SNTB1: variants seen among roughly 807,000 people sequenced by gnomAD.
SNTB1 encodes the protein beta-1-syntrophin.
A neutral mutation model predicts 48.9 loss-of-function variants in SNTB1; 36 were observed. The observed-to-expected ratio is 0.74, with a 90% CI of 0.56 to 0.97. The LOEUF (loss-of-function observed/expected upper bound fraction) is 0.97, where lower values mean the gene tolerates loss of function less well. Among genes scored for constraint, SNTB1 ranks in the 50% least tolerant of loss-of-function variants. The probability of loss-of-function intolerance (pLI) is 0.00; values close to 1 mark genes in which losing one functional copy is unlikely to be tolerated. For synonymous variants in SNTB1, 299 were observed against 294.6 expected (o/e 1.01, Z -0.15); for missense variants, 786 against 703.4 (o/e 1.12, Z -1.33).
intron 1 of SNTB1, among the ~76,000 whole-genome samples, chr8:120,739,932 G>C (rs1374780155): frequency 6.6e-5 from 10 of 152,176 alleles, no homozygotes; most frequent in African/African-American, 2.4e-4. Context: ...TAATGGAAGA[G>C]TCAGAGCTGG....
At chr8:120,692,269 C>A (rs1818141218) in intron 2 of SNTB1, among the ~76,000 whole-genome samples, 1 of 152,170 alleles carries the variant, frequency 6.6e-6, no homozygotes, top group Non-Finnish European at 1.5e-5. Context: ...GCCAAGGAAG[C>A]AACTTTCTCC....
In SNTB1 at chr8:120,811,131, T is replaced by C. The variant is rs1490989479; in HGVS notation, c.571+142A>G. The C allele has an allele frequency of 1.7e-5, 17 of 1,014,270 alleles. No individual in the cohort carries two copies. In the South Asian group the frequency reaches 2.0e-4, roughly 12 times the overall value. The allele number at this position is 1,014,270 out of a possible 1,614,324, so 62.8% of individuals were successfully genotyped here. The stretch of plus-strand genomic sequence containing the variant: ...ATGCTGCCACCCCCTGCGCCACCCT[T>C]CCCCCCCCCCCAACACACACACACC... On this transcript the variant is annotated intron_variant, in intron 1 of 6. Coordinates refer to ENST00000517992, the MANE Select transcript of SNTB1 (RefSeq NM_021021.4).
intron 3 of SNTB1, among the ~76,000 whole-genome samples, chr8:120,626,581 T>C (rs1045509014): frequency 3.3e-5 from 5 of 152,214 alleles, no homozygotes; most frequent in African/African-American, 1.2e-4. Context: ...AATAGACCTT[T>C]TTGTCTTCTC....
chr8:120,583,266 G>T (rs1017988356), intron 3 of SNTB1, among the ~76,000 whole-genome samples: 4 of 152,116 alleles, frequency 2.6e-5, no homozygotes, highest in African/African-American at 9.7e-5. Context: ...TTTGTGGGGA[G>T]GCCAAGGTCG....
chr8:120,648,540 T>G (rs878926986), intron 2 of SNTB1, among the ~76,000 whole-genome samples: 2 of 152,162 alleles, frequency 1.3e-5, no homozygotes, highest in Non-Finnish European at 2.9e-5. Context: ...ACATCTGCTG[T>G]TAGTCTGATG....
chr8:120,706,391 A>G (rs949536120), intron 1 of SNTB1, among the ~76,000 whole-genome samples: 2 of 152,190 alleles, frequency 1.3e-5, no homozygotes, highest in African/African-American at 4.8e-5. Flanking sequence ...TGCCAGGCAG[A>G]AAAGGCATAG....
At chr8:120,590,759 C>T (rs940860820) in intron 3 of SNTB1, among the ~76,000 whole-genome samples, 6 of 149,844 alleles carry the variant, frequency 4.0e-5, no homozygotes, top group Admixed American at 2.0e-4. Context: ...CGGCTCACTG[C>T]AACCTCCACC....
Position 120,807,578 on chromosome 8 carries a change from G to T in SNTB1, c.571+3695C>A, listed in dbSNP as rs374309207. 3.6e-3 allele frequency among the ~76,000 whole-genome samples: 553 copies of T among 152,350 alleles called. 35 individuals are homozygous for T. In the South Asian group the frequency reaches 0.11, roughly 30 times the overall value. On this transcript the variant is annotated intron_variant, in intron 1 of 6. Coordinates refer to ENST00000517992, the MANE Select transcript of SNTB1 (RefSeq NM_021021.4). ...TGGATTACATTTAGTCTCCTTGCTG[G>T]CCATGTGTTTAACCATGGTAGGGCT... is the stretch of plus-strand genomic sequence containing the variant.
At chr8:120,759,951 T>C (rs1563592916) in intron 1 of SNTB1, among the ~76,000 whole-genome samples, 2 of 152,148 alleles carry the variant, frequency 1.3e-5, no homozygotes, top group Non-Finnish European at 2.9e-5. Flanking sequence ...TAGAGTGTAC[T>C]AAAAAGCAGC....
chr8:120,559,949 A>C (rs1445984685), intron 4 of SNTB1, among the ~76,000 whole-genome samples: 1 of 152,148 alleles, frequency 6.6e-6, no homozygotes, highest in Non-Finnish European at 1.5e-5. Flanking sequence ...AAGAAAAAAA[A>C]AACAACTGGC....
intron 3 of SNTB1, among the ~76,000 whole-genome samples, chr8:120,591,098 A>T (rs1816233425): frequency 1.3e-5 from 2 of 152,146 alleles, no homozygotes. Flanking sequence ...CACACAAAAC[A>T]TATACCCTAA....
At chr8:120,637,492 CAGTT>C (rs1563837985) in intron 2 of SNTB1, 1 of 190,060 alleles carries the variant, frequency 5.3e-6, no homozygotes, top group African/African-American at 2.4e-5. Flanking sequence ...CAAACATTAT[CAGTT>C]AGTCAAAGAT....
At chr8:120,734,335 T>G (rs1818902665) in intron 1 of SNTB1, among the ~76,000 whole-genome samples, 1 of 151,548 alleles carries the variant, frequency 6.6e-6, no homozygotes, top group Non-Finnish European at 1.5e-5. Context: ...TAATCCCAGC[T>G]ACTCAGGAAG....
In SNTB1 at chr8:120,548,954, C is replaced by A. The variant is rs1248441182; in HGVS notation, c.1141G>T (p.Val381Phe). Residue 381 changes from valine to phenylalanine, a missense_variant, in exon 5 of 7, where the codon GTC (valine) becomes TTC (phenylalanine). Coordinates refer to ENST00000517992, the MANE Select transcript of SNTB1 (RefSeq NM_021021.4). ...GATCCCTTTCCTGGACCTGAATGGA[C>A]CAGCCTGGAGAGAGAGAGAGAGAGA... ...HTYPLLATRL[V>F]HSGPGKGSPQ... 7.0e-6 allele frequency: 11 copies of A among 1,578,782 alleles called. No individual in the cohort carries two copies. Among genetic ancestry groups the A allele is most frequent in the African/African-American group, 1.4e-5 (1 of 74,016 alleles).
chr8:120,735,096 C>G (rs1029166476), intron 1 of SNTB1, among the ~76,000 whole-genome samples: 13 of 152,150 alleles, frequency 8.5e-5, no homozygotes, highest in Admixed American at 3.3e-4. Flanking sequence ...TGTCATTGCT[C>G]TGGTGCAAGA....
intron 1 of SNTB1, among the ~76,000 whole-genome samples, chr8:120,808,526 T>A (rs746510862): frequency 5.9e-5 from 9 of 152,234 alleles, no homozygotes; most frequent in Non-Finnish European, 1.3e-4. Flanking sequence ...TAGTTTCATG[T>A]TCATTTCATT....
chr8:120,663,494 A>G (rs1199508364), intron 2 of SNTB1, among the ~76,000 whole-genome samples: 3 of 152,132 alleles, frequency 2.0e-5, no homozygotes, highest in African/African-American at 7.2e-5. Flanking sequence ...TTTAGTAGGG[A>G]TGGGGTTTCA....
chr8:120,693,902 T>A lies in SNTB1; in HGVS notation c.578A>T (p.Tyr193Phe). ...CACATAGGGCGTGGCTTCTCGCATGTACTTCACTGCAAGGAAAAAGACAAC... is the reference window on the plus strand; with the variant it reads ...CACATAGGGCGTGGCTTCTCGCATGAACTTCACTGCAAGGAAAAAGACAAC... ...AGKEVLLEVK[Y>F]MREATPYVKK... is the part of the protein sequence containing the mutation. Residue 193 changes from tyrosine (Y) to phenylalanine (F), a missense_variant, in exon 2 of 7, where the codon TAC becomes TTC. Physicochemically the swap from Tyr to Phe is conservative, Grantham distance 22. Coordinates refer to ENST00000517992, the MANE Select transcript of SNTB1 (RefSeq NM_021021.4). 1.2e-6 allele frequency: 2 copies of A among 1,613,216 alleles called. 1 individual carries two copies. Among genetic ancestry groups the A allele is most frequent in the Middle Eastern group, 3.3e-4 (2 of 6,058 alleles).
chr8:120,729,596 T>A (rs191549467), intron 1 of SNTB1, among the ~76,000 whole-genome samples: 148 of 152,348 alleles, frequency 9.7e-4, no homozygotes, highest in African/African-American at 3.4e-3. Flanking sequence ...CATGCATTGA[T>A]TATTCAAAAT....
Sources: gnomAD v4.1 joint callset for allele counts (sites outside exome capture counted in the v4.1 genomes callset) on GRCh38, gnomAD v4.1.1 for gene constraint, MANE v1.5 for transcripts, NCBI Gene and HGNC (gene_info 2026-07-23, HGNC 2026-07-21) for gene names.